TM4SF4: variants seen among roughly 807,000 people sequenced by gnomAD.
TM4SF4 encodes the protein transmembrane 4 L six family member 4, also known as transmembrane 4 L6 family member 4.
TM4SF4 carries 24 observed loss-of-function variants against 24.1 expected under a neutral mutation model. That is an observed-to-expected ratio of 1.00 (90% CI 0.72 to 1.40). The LOEUF (loss-of-function observed/expected upper bound fraction) is 1.40, where lower values mean the gene tolerates loss of function less well. TM4SF4 is among the 40% of genes most tolerant of loss of function. The pLI, the probability that TM4SF4 is intolerant of heterozygous loss-of-function variation, is 0.00. For missense variants in TM4SF4, 254 were observed against 254.2 expected (o/e 1.00, Z 0.01); for synonymous variants, 113 against 97.0 (o/e 1.17, Z -0.97).
chr3:149,500,216 C>T (rs1734394117), intron 4 of TM4SF4, among the ~76,000 whole-genome samples: 1 of 151,466 alleles, frequency 6.6e-6, no homozygotes, highest in Non-Finnish European at 1.5e-5. Context: ...TACAATTATA[C>T]AAGGAGGAAA....
chr3:149,499,957 C>G (rs1042402306), intron 4 of TM4SF4, among the ~76,000 whole-genome samples: 6 of 152,166 alleles, frequency 3.9e-5, no homozygotes, highest in Admixed American at 3.9e-4. Flanking sequence ...CATGTATACA[C>G]ACACAGAGAA....
intron 2 of TM4SF4, among the ~76,000 whole-genome samples, chr3:149,482,851 CT>C (rs1346804829): frequency 6.6e-6 from 1 of 152,170 alleles, no homozygotes; most frequent in East Asian, 1.9e-4. Context: ...GCCTTTCTTT[CT>C]TTTAACATTT....
At chr3:149,479,896 C>G (rs568769414) in intron 2 of TM4SF4, among the ~76,000 whole-genome samples, 3 of 152,172 alleles carry the variant, frequency 2.0e-5, no homozygotes, top group African/African-American at 7.2e-5. Context: ...TCCCTTTCCT[C>G]GGGTAGCAAA....
At chr3:149,501,502 T>C (rs558505497) in intron 4 of TM4SF4, among the ~76,000 whole-genome samples, 4 of 152,378 alleles carry the variant, frequency 2.6e-5, no homozygotes, top group African/African-American at 9.6e-5. Flanking sequence ...TCTCTGTTTC[T>C]GGACTCTTGG....
At chr3:149,484,403 A>C (rs368438022) in intron 2 of TM4SF4, among the ~76,000 whole-genome samples, 1 of 152,152 alleles carries the variant, frequency 6.6e-6, no homozygotes, top group East Asian at 1.9e-4. Context: ...TATTTTTTTG[A>C]GATGGACTCT....
chr3:149,488,499 T>C lies in TM4SF4; in HGVS notation c.401+744T>C, dbSNP rs1055068527. 2.0e-5 allele frequency among the ~76,000 whole-genome samples: 3 copies of C among 152,352 alleles called. No individual in the cohort carries two copies. In the East Asian group the frequency reaches 5.8e-4, roughly 29 times the overall value. On this transcript the variant is annotated intron_variant, in intron 3 of 4. Coordinates refer to ENST00000305354, the MANE Select transcript of TM4SF4 (RefSeq NM_004617.4). Reference sequence around the variant, plus strand: ...GCCTTTCATAGTACACATCCTCCTGTCCTGCACTGACCAGGACGGCACTGT... The same window carrying C: ...GCCTTTCATAGTACACATCCTCCTGCCCTGCACTGACCAGGACGGCACTGT...
chr3:149,475,322 A>G (rs755878177), intron 1 of TM4SF4, among the ~76,000 whole-genome samples: 22 of 152,326 alleles, frequency 1.4e-4, no homozygotes, highest in South Asian at 8.3e-4. Flanking sequence ...TGAAGGTCGC[A>G]TAGTTTCTTG....
intron 3 of TM4SF4, among the ~76,000 whole-genome samples, chr3:149,491,633 T>C (rs2107872857): frequency 6.6e-6 from 1 of 152,232 alleles, no homozygotes; most frequent in Non-Finnish European, 1.5e-5. Flanking sequence ...GAAGCCTATC[T>C]CAAACATGGA....
In TM4SF4 at chr3:149,474,832, G is replaced by T. The variant is rs754640107; in HGVS notation, c.-46G>T. The T allele has an allele frequency of 7.7e-6, 12 of 1,557,630 alleles. No homozygotes were observed. Among genetic ancestry groups the T allele is most frequent in the Non-Finnish European group, 1.0e-5 (12 of 1,154,146 alleles). ...CCCTTGAAGAGGCCCCGTGAAGGAG[G>T]CAGTGAGGAGCTTTTGATTGCTGAC... On this transcript the variant is annotated 5_prime_UTR_variant, in exon 1 of 5. Coordinates refer to ENST00000305354, the MANE Select transcript of TM4SF4 (RefSeq NM_004617.4).
intron 2 of TM4SF4, among the ~76,000 whole-genome samples, chr3:149,477,602 A>G (rs1171679808): frequency 6.6e-6 from 1 of 152,248 alleles, no homozygotes; most frequent in African/African-American, 2.4e-5. Flanking sequence ...TACAGTTTCC[A>G]TGTGAGTTCA....
chr3:149,482,069 G>T (rs75653355), intron 2 of TM4SF4, among the ~76,000 whole-genome samples: 8,234 of 152,276 alleles, frequency 0.054, 291 homozygotes, highest in Admixed American at 0.078. Context: ...TGAGGCACTG[G>T]GGATTACTAG....
chr3:149,495,027 C>A, intron 3 of TM4SF4: 1 of 228,104 alleles, frequency 4.4e-6, no homozygotes, highest in East Asian at 1.2e-4. Context: ...GCCGATATCT[C>A]CATGGGCAGA....
intron 2 of TM4SF4, among the ~76,000 whole-genome samples, chr3:149,481,164 A>G (rs894401126): frequency 2.8e-4 from 42 of 152,166 alleles, no homozygotes; most frequent in African/African-American, 9.4e-4. Flanking sequence ...CGGCATCTTC[A>G]GTAAATATTT....
At position 149,502,972 on chromosome 3, in the gene TM4SF4, AT is replaced by A; in HGVS notation, c.*286del. 8.7e-6 allele frequency: 3 copies of A among 345,552 alleles called. No homozygotes were observed. The highest frequency in any genetic ancestry group is 5.2e-5 in the East Asian group (1 of 19,068). The allele number at this position is 345,552 out of a possible 1,614,324, so 21.4% of individuals were successfully genotyped here. On this transcript the variant is annotated 3_prime_UTR_variant, in exon 5 of 5. Transcript: ENST00000305354. ...ACAGGTTCAAAGCATACTTTTCATG[AT>A]TTTTTTATTACAAATGTAAAATGTA... is the stretch of plus-strand genomic sequence containing the variant.
intron 2 of TM4SF4, among the ~76,000 whole-genome samples, chr3:149,477,775 A>T (rs1269339830): frequency 6.6e-6 from 1 of 152,240 alleles, no homozygotes; most frequent in East Asian, 1.9e-4. Context: ...TTATGTAATT[A>T]TAAAGGAAAA....
chr3:149,474,997 C>T lies in TM4SF4; in HGVS notation c.120C>T (p.Asp40=). Reference sequence around the variant, plus strand: ...GAGGAAAAGTGATAGATGACAACGACCACCTTTCCCAAGAGATCTGGTTTT... The same window carrying T: ...GAGGAAAAGTGATAGATGACAACGATCACCTTTCCCAAGAGATCTGGTTTT... The part of the protein sequence containing the change: ...FPGGKVIDDN[D]HLSQEIWFFG... Residue 40 remains aspartate (D), a synonymous_variant, in exon 1 of 5, where the codon GAC becomes GAT. Coordinates refer to ENST00000305354, the MANE Select transcript of TM4SF4 (RefSeq NM_004617.4). The T allele has an allele frequency of 6.2e-7, 1 of 1,613,834 alleles. No homozygotes were observed. The highest frequency in any genetic ancestry group is 1.1e-5 in the South Asian group (1 of 91,064).
chr3:149,494,464 T>A (rs1332322198), intron 3 of TM4SF4, among the ~76,000 whole-genome samples: 1 of 152,190 alleles, frequency 6.6e-6, no homozygotes, highest in Non-Finnish European at 1.5e-5. Flanking sequence ...CTTCATAAAG[T>A]GTGCCTGGAA....
chr3:149,497,182 T>C (rs1734326667), intron 3 of TM4SF4, among the ~76,000 whole-genome samples: 1 of 152,214 alleles, frequency 6.6e-6, no homozygotes, highest in South Asian at 2.1e-4. Flanking sequence ...ATGACAATAC[T>C]AGCCTTTATT....
intron 3 of TM4SF4, chr3:149,495,089 T>C: frequency 3.9e-6 from 1 of 258,344 alleles, no homozygotes; most frequent in South Asian, 5.5e-5. Context: ...CAACCAATTG[T>C]TGGTGTTAAC....
Sources: gnomAD v4.1 joint callset for allele counts (sites outside exome capture counted in the v4.1 genomes callset) on GRCh38, gnomAD v4.1.1 for gene constraint, MANE v1.5 for transcripts, NCBI Gene and HGNC (gene_info 2026-07-23, HGNC 2026-07-21) for gene names.